GBE1: variants seen among roughly 807,000 people sequenced by gnomAD.
GBE1 encodes the protein 1,4-alpha-glucan-branching enzyme.
Under a neutral mutation model 88.8 loss-of-function variants are expected in GBE1, and 70 were observed. That is an observed-to-expected ratio of 0.79 (90% CI 0.65 to 0.96). GBE1 has a LOEUF of 0.96. Among genes scored for constraint, GBE1 ranks in the 40% least tolerant of loss-of-function variants. The probability of loss-of-function intolerance (pLI) is 0.00; values close to 1 mark genes in which losing one functional copy is unlikely to be tolerated. For synonymous variants in GBE1, 284 were observed against 300.1 expected (o/e 0.95, Z 0.56); for missense variants, 872 against 871.0 (o/e 1.00, Z -0.01).
At chr3:81,649,336 A>G (rs767966041) in intron 4 of GBE1, among the ~76,000 whole-genome samples, 8 of 152,130 alleles carry the variant, frequency 5.3e-5, no homozygotes, top group Non-Finnish European at 1.2e-4. Flanking sequence ...TAAAAGACAG[A>G]AAGTGAGTTC....
At chr3:81,568,693 G>A (rs949903581) in intron 12 of GBE1, among the ~76,000 whole-genome samples, 1 of 151,998 alleles carries the variant, frequency 6.6e-6, no homozygotes, top group Non-Finnish European at 1.5e-5. Flanking sequence ...AATGCGTTAA[G>A]GATTGTTCTT....
chr3:81,498,543 G>A (rs1012921505), intron 15 of GBE1, among the ~76,000 whole-genome samples: 17 of 151,978 alleles, frequency 1.1e-4, no homozygotes, highest in African/African-American at 4.1e-4. Flanking sequence ...CTATTTGTGT[G>A]AACACCACAA....
chr3:81,672,543 A>T (rs1204796434), intron 2 of GBE1, among the ~76,000 whole-genome samples: 1 of 152,006 alleles, frequency 6.6e-6, no homozygotes, highest in African/African-American at 2.4e-5. Context: ...AACTATCAAA[A>T]CATTATATGA....
chr3:81,497,512 T>C (rs1393158898), intron 15 of GBE1, among the ~76,000 whole-genome samples: 1 of 152,114 alleles, frequency 6.6e-6, no homozygotes, highest in African/African-American at 2.4e-5. Context: ...GAAACTGCAG[T>C]GCAAAAAAAG....
chr3:81,530,586 A>G (rs1220991150), intron 14 of GBE1, among the ~76,000 whole-genome samples: 1 of 151,970 alleles, frequency 6.6e-6, no homozygotes. Context: ...TACTACCTTG[A>G]TGGTCTTAGT....
At chr3:81,562,854 G>A (rs1041383077) in intron 12 of GBE1, among the ~76,000 whole-genome samples, 5 of 149,114 alleles carry the variant, frequency 3.4e-5, no homozygotes, top group Non-Finnish European at 7.4e-5. Context: ...GGTATGTATA[G>A]GTCACTTTCA....
intron 14 of GBE1, among the ~76,000 whole-genome samples, chr3:81,499,864 T>C (rs939871683): frequency 2.0e-5 from 3 of 152,166 alleles, no homozygotes; most frequent in African/African-American, 7.2e-5. Context: ...ATGTTCAAAT[T>C]TATTAGGCTC....
intron 15 of GBE1, among the ~76,000 whole-genome samples, chr3:81,498,667 T>C (rs775646583): frequency 2.0e-5 from 3 of 152,146 alleles, no homozygotes; most frequent in Non-Finnish European, 4.4e-5. Context: ...AAAAGAAAGA[T>C]ACATTTTTCA....
At chr3:81,685,376 C>T (rs1705419226) in intron 2 of GBE1, among the ~76,000 whole-genome samples, 1 of 151,838 alleles carries the variant, frequency 6.6e-6, no homozygotes, top group Admixed American at 6.6e-5. Context: ...AAGGCTAATT[C>T]CTTGATTCCA....
chr3:81,561,800 C>G (rs926255766), intron 12 of GBE1, among the ~76,000 whole-genome samples: 1 of 152,042 alleles, frequency 6.6e-6, no homozygotes, highest in African/African-American at 2.4e-5. Flanking sequence ...TCTCATCATT[C>G]ATGATCTAAA....
intron 15 of GBE1, among the ~76,000 whole-genome samples, chr3:81,494,335 C>T (rs1370626296): frequency 6.6e-6 from 1 of 152,110 alleles, no homozygotes; most frequent in African/African-American, 2.4e-5. Context: ...CAATTACAGA[C>T]ATGAACAATT....
Position 81,536,931 on chromosome 3 carries a change from C to T in GBE1, c.1783G>A (p.Gly595Ser), listed in dbSNP as rs1332265455. The T allele has an allele frequency of 6.3e-7, 1 of 1,584,532 alleles. No homozygotes were observed. The highest frequency in any genetic ancestry group is 8.6e-7 in the Non-Finnish European group (1 of 1,167,566). Residue 595 changes from glycine (G) to serine (S), a missense_variant, in exon 13 of 16, where the codon GGT becomes AGT. Physicochemically the swap from Gly to Ser is moderately conservative, Grantham distance 56. Coordinates refer to ENST00000429644, the MANE Select transcript of GBE1 (RefSeq NM_000158.4). ...CTTACCTGTGGAGCTGCAAGCCAACCATATCTTTCTTCCAATCTATTCATA... is the reference window on the plus strand; with the variant it reads ...CTTACCTGTGGAGCTGCAAGCCAACTATATCTTTCTTCCAATCTATTCATA... ...RDMNRLEERY[G>S]WLAAPQAYVS...
chr3:81,562,844 G>A (rs150754073), intron 12 of GBE1, among the ~76,000 whole-genome samples: 46 of 151,660 alleles, frequency 3.0e-4, no homozygotes, highest in Non-Finnish European at 3.8e-4. Context: ...ATTTTGAGAC[G>A]GTATGTATAG....
chr3:81,541,691 C>A (rs190567897), intron 12 of GBE1, among the ~76,000 whole-genome samples: 35 of 152,150 alleles, frequency 2.3e-4, no homozygotes, highest in African/African-American at 8.2e-4. Context: ...ATCAAATCTG[C>A]CAGTGCCTCG....
At chr3:81,590,303 T>C (rs13092113) in intron 9 of GBE1, among the ~76,000 whole-genome samples, 20,338 of 152,036 alleles carry the variant, frequency 0.13, 1,978 homozygotes, top group East Asian at 0.37. Context: ...TATTTTTATA[T>C]CTCAACCACT....
intron 14 of GBE1, among the ~76,000 whole-genome samples, chr3:81,528,804 A>G (rs1702980015): frequency 6.6e-6 from 1 of 151,892 alleles, no homozygotes; most frequent in Non-Finnish European, 1.5e-5. Flanking sequence ...TTGCTGTTTT[A>G]TGCTTTCTGT....
intron 1 of GBE1, among the ~76,000 whole-genome samples, chr3:81,726,743 G>C (rs576058832): frequency 6.6e-6 from 1 of 152,004 alleles, no homozygotes; most frequent in East Asian, 1.9e-4. Context: ...CACCATGCCT[G>C]GCTAATTTTT....
intron 1 of GBE1, among the ~76,000 whole-genome samples, chr3:81,722,900 A>G (rs1048255964): frequency 1.3e-4 from 19 of 142,518 alleles, no homozygotes; most frequent in Admixed American, 1.1e-3. Flanking sequence ...GTGTGTGTAT[A>G]TATATATATA....
chr3:81,654,090 C>T (rs980062930), intron 3 of GBE1, among the ~76,000 whole-genome samples: 1 of 151,862 alleles, frequency 6.6e-6, no homozygotes. Flanking sequence ...CATAATAATA[C>T]CAAATAATAC....
Sources: gnomAD v4.1 joint callset for allele counts (sites outside exome capture counted in the v4.1 genomes callset) on GRCh38, gnomAD v4.1.1 for gene constraint, MANE v1.5 for transcripts, NCBI Gene and HGNC (gene_info 2026-07-23, HGNC 2026-07-21) for gene names.